The following CHST15 variants were observed in gnomAD, a reference collection of about 807,000 sequenced individuals.
The protein encoded by CHST15 is B cell RAG associated protein (GALNAC4S-6ST).
Under a neutral mutation model 53.6 loss-of-function variants are expected in CHST15, and 30 were observed. The ratio of observed to expected loss-of-function variants is 0.56; its 90% CI spans 0.42 to 0.76. The LOEUF (loss-of-function observed/expected upper bound fraction) is 0.76. Ranked by LOEUF, CHST15 falls within the 30% of genes least tolerant of loss-of-function variation. The probability of loss-of-function intolerance (pLI) is 0.00; values close to 1 mark genes in which losing one functional copy is unlikely to be tolerated. For synonymous variants in CHST15, 296 were observed against 289.8 expected (o/e 1.02, Z -0.22); for missense variants, 627 against 740.5 (o/e 0.85, Z 1.78).
Position 124,019,701 on chromosome 10 carries a change from A to T in CHST15, c.1347+1555T>A. The T allele has an allele frequency of 1.2e-6, 1 of 833,258 alleles. No homozygotes were observed. Among genetic ancestry groups the T allele is most frequent in the Non-Finnish European group, 1.4e-6 (1 of 690,788 alleles). 51.6% of individuals were successfully genotyped at this position (833,258 alleles called of 1,614,324 possible). A position where few individuals can be genotyped will look rare whatever the true frequency, so the allele number is the denominator to read the frequency against. ...TTATAGGTGCCTCAGCCATGAACAC[A>T]GTAGTGAGATATTCCTTTTCCACTC... On this transcript the variant is annotated intron_variant, in intron 6 of 7. Transcript: ENST00000435907. This position sits in a 1 kb window ranked among gnomAD's most constrained non-coding sequence, Gnocchi z 4.6.
chr10:124,042,194 C>CGT, intron 4 of CHST15, 107 bp downstream of exon 4: 6 of 1,180,502 alleles, frequency 5.1e-6, no homozygotes, highest in Admixed American at 2.3e-5. Context: ...AGTTTGCTGC[C>CGT]ACCATGTAAA....
intron 6 of CHST15, chr10:124,020,967 G>T: frequency 7.2e-7 from 1 of 1,394,354 alleles, no homozygotes; most frequent in Non-Finnish European, 9.3e-7. Flanking sequence ...CTAATTGCTG[G>T]GTGTCTTGCT....
chr10:124,044,192 G>A (rs1447556125), intron 3 of CHST15, among the ~76,000 whole-genome samples: 1 of 151,110 alleles, frequency 6.6e-6, no homozygotes, highest in Non-Finnish European at 1.5e-5. Flanking sequence ...GCTTGGGAGC[G>A]GCACAGAGCT....
chr10:124,031,657 A>G (rs1280734313), intron 5 of CHST15, among the ~76,000 whole-genome samples: 1 of 152,222 alleles, frequency 6.6e-6, no homozygotes, highest in Admixed American at 6.5e-5. Context: ...ATGAGTGATC[A>G]GTTTATTGTT....
At chr10:124,020,840 T>A in intron 6 of CHST15, 2 of 1,235,728 alleles carry the variant, frequency 1.6e-6, no homozygotes, top group East Asian at 6.7e-5. Context: ...TGAGACTCTG[T>A]CAAAGAAGCA....
At chr10:124,045,112 C>CAAAAAACAAA (rs1947916723) in intron 2 of CHST15, among the ~76,000 whole-genome samples, 193 bp from the exon 3 acceptor site, 1 of 33,800 alleles carries the variant, frequency 3.0e-5, no homozygotes, top group Non-Finnish European at 6.8e-5. Flanking sequence ...CGCCGCCCCA[C>CAAAAAACAAA]AAAAAAAAAA....
Position 124,019,214 on chromosome 10 carries a change from C to T in CHST15, c.1347+2042G>A, listed in dbSNP as rs1454563822. On this transcript the variant is annotated intron_variant, in intron 6 of 7. Coordinates refer to ENST00000435907, the MANE Select transcript of CHST15 (RefSeq NM_001270764.2). The surrounding 1 kb of genome is among the most constrained non-coding windows in gnomAD (Gnocchi z 4.6). The stretch of plus-strand genomic sequence containing the variant: ...TCTCTGCTCAGCATCATGATCAGTG[C>T]TGGAAGAAACCACAACCCCACCTTG... Among the ~76,000 whole-genome samples the T allele has an allele frequency of 6.6e-6, 1 of 152,138 alleles. No homozygotes were observed. The highest frequency in any genetic ancestry group is 1.9e-4 in the East Asian group (1 of 5,182).
rs907644359 is a variant in CHST15 at position 124,044,705 on chromosome 10, G to T, written c.761C>A (p.Pro254Gln). The T allele has an allele frequency of 6.2e-7, 1 of 1,613,746 alleles. No individual in the cohort carries two copies. The highest frequency in any genetic ancestry group is 8.5e-7 in the Non-Finnish European group (1 of 1,179,946). Residue 254 changes from proline (P) to glutamine (Q), a missense_variant, in exon 3 of 8, where the codon CCG becomes CAG. Transcript: ENST00000435907. ...GGGCTGCCCTATGATGTAGAAGTGC[G>T]GCAGGCAGCGCAGGCGGAAGTGCTT... The part of the protein sequence containing the change: ...HGKHFRLRCL[P>Q]HFYIIGQPKC...
At chr10:124,076,697 T>C (rs1405960919) in intron 1 of CHST15, among the ~76,000 whole-genome samples, 1 of 149,288 alleles carries the variant, frequency 6.7e-6, no homozygotes, top group Non-Finnish European at 1.5e-5. Context: ...CTTTCCCTAT[T>C]TTTAAATTCT....
chr10:124,042,811 G>A (rs566319312), intron 3 of CHST15, among the ~76,000 whole-genome samples: 8 of 152,278 alleles, frequency 5.3e-5, no homozygotes, highest in African/African-American at 1.7e-4. Flanking sequence ...GCTGGGCAGC[G>A]ATGACACCCA....
intron 1 of CHST15, among the ~76,000 whole-genome samples, chr10:124,062,256 G>A (rs1734092524): frequency 6.6e-6 from 1 of 152,158 alleles, no homozygotes; most frequent in Non-Finnish European, 1.5e-5. Context: ...GTTCACCAAT[G>A]CCCAAAGAGC....
rs552980479 is a variant in CHST15, at chr10:124,008,048, G to C, written c.*2101C>G. On this transcript the variant is annotated 3_prime_UTR_variant, in exon 8 of 8. Transcript: ENST00000435907. ...GCATTGAGTGGCACAGAAGGGATGGGACTGCATATATAAAAAAGATCCGCA... is the reference window on the plus strand; with the variant it reads ...GCATTGAGTGGCACAGAAGGGATGGCACTGCATATATAAAAAAGATCCGCA... 2 of 1,232,078 alleles carry C rather than the reference G, an allele frequency of 1.6e-6. No homozygotes were observed. The highest frequency in any genetic ancestry group is 3.1e-5 in the African/African-American group (2 of 64,486). The allele number at this position is 1,232,078 out of a possible 1,614,324, so 76.3% of individuals were successfully genotyped here.
At chr10:124,049,746 A>C (rs183361496) in intron 1 of CHST15, among the ~76,000 whole-genome samples, 126 of 152,316 alleles carry the variant, frequency 8.3e-4, no homozygotes, top group African/African-American at 2.9e-3. Flanking sequence ...TGATGAGTCA[A>C]GCACTCTCCT....
At chr10:124,069,126 C>T (rs572599140) in intron 1 of CHST15, among the ~76,000 whole-genome samples, 1 of 152,292 alleles carries the variant, frequency 6.6e-6, no homozygotes, top group East Asian at 1.9e-4. Context: ...GCTTAGCATC[C>T]CTCCCCAGAG....
At chr10:124,076,871 G>A (rs555510379) in intron 1 of CHST15, among the ~76,000 whole-genome samples, 6 of 152,094 alleles carry the variant, frequency 3.9e-5, no homozygotes, top group South Asian at 4.1e-4. Flanking sequence ...CACCACGCCC[G>A]GCTACTTTTT....
intron 1 of CHST15, among the ~76,000 whole-genome samples, chr10:124,061,911 G>T (rs1245555712): frequency 6.6e-6 from 1 of 151,842 alleles, no homozygotes; most frequent in East Asian, 1.9e-4. Flanking sequence ...ACTGCGCAAA[G>T]CACCAGTGGG....
intron 1 of CHST15, among the ~76,000 whole-genome samples, chr10:124,091,646 C>A (rs1474749665): frequency 6.6e-6 from 1 of 152,266 alleles, no homozygotes; most frequent in Non-Finnish European, 1.5e-5. Flanking sequence ...CGGGGCATCC[C>A]GGAGCCACAC....
At chr10:124,047,431 T>C (rs1256820435) in intron 1 of CHST15, among the ~76,000 whole-genome samples, 1 of 152,240 alleles carries the variant, frequency 6.6e-6, no homozygotes, top group African/African-American at 2.4e-5. Context: ...AATTTTTCAC[T>C]TTCATCATCT....
chr10:124,050,767 A>AGTCTTT (rs1948162109), intron 1 of CHST15, among the ~76,000 whole-genome samples: 1 of 152,152 alleles, frequency 6.6e-6, no homozygotes, highest in Non-Finnish European at 1.5e-5. Context: ...GGCCCCGTAG[A>AGTCTTT]GAGACGCTGT....
Sources: allele counts gnomAD v4.1 joint callset (sites outside exome capture counted in the v4.1 genomes callset), GRCh38; gene constraint gnomAD v4.1.1; non-coding constraint Gnocchi (gnomAD v3.1); transcripts MANE v1.5; gene names NCBI Gene and HGNC (gene_info 2026-07-23, HGNC 2026-07-21).